CDKAL1: variants seen among roughly 807,000 people sequenced by gnomAD.
CDKAL1 encodes the protein CDKAL1 threonylcarbamoyladenosine tRNA methylthiotransferase.
CDKAL1 carries 32 observed loss-of-function variants against 68.2 expected under a neutral mutation model. The observed-to-expected ratio is 0.47, with a 90% CI of 0.35 to 0.63. The LOEUF is 0.63. Among genes scored for constraint, CDKAL1 ranks in the 30% least tolerant of loss-of-function variants. The pLI, the probability that CDKAL1 is intolerant of heterozygous loss-of-function variation, is 0.00. For synonymous variants in CDKAL1, 234 were observed against 244.3 expected (o/e 0.96, Z 0.39); for missense variants, 606 against 696.7 (o/e 0.87, Z 1.47).
chr6:21,206,431 A>G (rs1409255492), intron 15 of CDKAL1, among the ~76,000 whole-genome samples: 1 of 152,294 alleles, frequency 6.6e-6, no homozygotes, highest in East Asian at 1.9e-4. Flanking sequence ...TTTACTACTA[A>G]TGTTCTTTCT....
intron 8 of CDKAL1, among the ~76,000 whole-genome samples, chr6:20,829,182 C>T (rs1234965848): frequency 6.6e-6 from 1 of 152,118 alleles, no homozygotes; most frequent in African/African-American, 2.4e-5. Flanking sequence ...GGTTTTAGTT[C>T]TTTTGTGAAT....
chr6:21,007,618 G>A lies in CDKAL1; in HGVS notation c.1055+7246G>A, dbSNP rs565025161. 4.0e-5 allele frequency among the ~76,000 whole-genome samples: 6 copies of A among 151,588 alleles called. No homozygotes were observed. In the South Asian group the frequency reaches 6.3e-4, roughly 16 times the overall value. On this transcript the variant is annotated intron_variant, in intron 11 of 15. Transcript: ENST00000274695. ...TAATTAAATGATTTCTATTTTTATCGGTTATGTGTCCAGACTAGTAATAAA... is the reference window on the plus strand; with the variant it reads ...TAATTAAATGATTTCTATTTTTATCAGTTATGTGTCCAGACTAGTAATAAA...
chr6:20,790,784 C>G (rs1017656804), intron 8 of CDKAL1, among the ~76,000 whole-genome samples: 3 of 152,164 alleles, frequency 2.0e-5, no homozygotes, highest in African/African-American at 7.2e-5. Flanking sequence ...GTGGTCCCCC[C>G]ACCCCTGTAG....
At chr6:20,661,821 G>A (rs1018432158) in intron 5 of CDKAL1, among the ~76,000 whole-genome samples, 3 of 152,184 alleles carry the variant, frequency 2.0e-5, no homozygotes, top group Non-Finnish European at 4.4e-5. Context: ...AAGAGAGTGA[G>A]TGAAAGAGGG....
At chr6:21,112,552 T>C (rs1774177482) in intron 13 of CDKAL1, among the ~76,000 whole-genome samples, 1 of 152,224 alleles carries the variant, frequency 6.6e-6, no homozygotes, top group Non-Finnish European at 1.5e-5. Context: ...GTGGACACAC[T>C]TGAGAAGAAA....
chr6:20,751,935 C>T (rs1157909729), intron 6 of CDKAL1, among the ~76,000 whole-genome samples: 2 of 152,102 alleles, frequency 1.3e-5, no homozygotes, highest in East Asian at 1.9e-4. Flanking sequence ...TTCCTTTTCT[C>T]CCAGAATGAG....
intron 10 of CDKAL1, among the ~76,000 whole-genome samples, chr6:20,988,996 G>A (rs962951399): frequency 6.6e-6 from 1 of 151,640 alleles, no homozygotes; most frequent in South Asian, 2.1e-4. Context: ...CTGAAGTAGC[G>A]CGTGTCATTT....
intron 8 of CDKAL1, among the ~76,000 whole-genome samples, chr6:20,812,523 A>C (rs1776864571): frequency 6.6e-6 from 1 of 152,078 alleles, no homozygotes; most frequent in Non-Finnish European, 1.5e-5. Context: ...TTCTTTTGCT[A>C]TTTTATAACT....
chr6:20,954,550 A>G (rs879358198), intron 9 of CDKAL1, among the ~76,000 whole-genome samples: 1 of 152,144 alleles, frequency 6.6e-6, no homozygotes, highest in Admixed American at 6.5e-5. Context: ...TTGGCCTTTG[A>G]AAATAGGCTG....
intron 5 of CDKAL1, among the ~76,000 whole-genome samples, chr6:20,723,202 C>T (rs1168320022): frequency 1.3e-5 from 2 of 152,210 alleles, no homozygotes; most frequent in African/African-American, 4.8e-5. Flanking sequence ...CTGTAACACC[C>T]ACTCTGGGGC....
intron 7 of CDKAL1, among the ~76,000 whole-genome samples, chr6:20,764,744 A>G (rs1774619024): frequency 6.6e-6 from 1 of 152,180 alleles, no homozygotes; most frequent in South Asian, 2.1e-4. Context: ...AGCATGGTAT[A>G]TCTGGGAGGG....
intron 13 of CDKAL1, among the ~76,000 whole-genome samples, chr6:21,166,711 A>C (rs994592034): frequency 6.6e-6 from 1 of 152,190 alleles, no homozygotes; most frequent in Non-Finnish European, 1.5e-5. Context: ...TGAAAAGGAA[A>C]ATGTTTTACC....
chr6:20,738,782 A>T (rs9366359), intron 5 of CDKAL1, among the ~76,000 whole-genome samples: 32,133 of 152,182 alleles, frequency 0.21, 3,635 homozygotes, highest in East Asian at 0.34. Flanking sequence ...TACAGGTGTG[A>T]ACCACTGCAC....
Position 20,902,784 on chromosome 6 carries a change from A to G in CDKAL1, c.743-52635A>G, listed in dbSNP as rs79938462. On this transcript the variant is annotated intron_variant, in intron 9 of 15. Transcript: ENST00000274695. The stretch of plus-strand genomic sequence containing the variant: ...AAGCGGGAGCTTTCCAAAAGGCAAT[A>G]ACAGAAGAATGGTTATTGGTAAGGG... Among the ~76,000 whole-genome samples, 1,425 of 152,298 alleles carry G rather than the reference A, an allele frequency of 9.4e-3. 28 individuals carry two copies. The highest frequency in any genetic ancestry group is 0.032 in the African/African-American group (1,344 of 41,558).
At chr6:20,911,676 A>G (rs993951625) in intron 9 of CDKAL1, among the ~76,000 whole-genome samples, 1 of 152,232 alleles carries the variant, frequency 6.6e-6, no homozygotes, top group African/African-American at 2.4e-5. Context: ...AGTTCCTAAC[A>G]GTTTCCCTAA....
At chr6:20,785,938 T>C (rs1775652729) in intron 8 of CDKAL1, among the ~76,000 whole-genome samples, 1 of 152,284 alleles carries the variant, frequency 6.6e-6, no homozygotes, top group African/African-American at 2.4e-5. Context: ...TATAAAAGTA[T>C]GGCTAGGTGC....
At chr6:20,726,986 A>G (rs955915158) in intron 5 of CDKAL1, among the ~76,000 whole-genome samples, 2 of 152,216 alleles carry the variant, frequency 1.3e-5, no homozygotes, top group Non-Finnish European at 2.9e-5. Flanking sequence ...GGTCTCCAGT[A>G]GCTTATCGGA....
chr6:21,021,322 G>A (rs1170697816), intron 11 of CDKAL1, among the ~76,000 whole-genome samples: 1 of 152,018 alleles, frequency 6.6e-6, no homozygotes, highest in African/African-American at 2.4e-5. Context: ...TCCCTGGTAG[G>A]CACTCCTTAA....
intron 9 of CDKAL1, among the ~76,000 whole-genome samples, chr6:20,889,794 A>T (rs1170619082): frequency 6.6e-6 from 1 of 152,170 alleles, no homozygotes; most frequent in African/African-American, 2.4e-5. Context: ...AGGTAGTGTG[A>T]TGCCTCCAGC....
Sources: gnomAD v4.1 joint callset for allele counts (sites outside exome capture counted in the v4.1 genomes callset) on GRCh38, gnomAD v4.1.1 for gene constraint, MANE v1.5 for transcripts, NCBI Gene and HGNC (gene_info 2026-07-23, HGNC 2026-07-21) for gene names.